The following TAFA1 variants were observed in gnomAD, a reference collection of about 807,000 sequenced individuals.
TAFA1 encodes TAFA chemokine like family member 1.
TAFA1 carries 4 observed loss-of-function variants against 18.5 expected under a neutral mutation model. The ratio of observed to expected loss-of-function variants is 0.22; its 90% CI spans 0.11 to 0.49. The LOEUF is 0.49. Ranked by LOEUF, TAFA1 falls within the 20% of genes least tolerant of loss-of-function variation. The probability of loss-of-function intolerance (pLI) is 0.98; values close to 1 mark genes in which losing one functional copy is unlikely to be tolerated. For missense variants in TAFA1, 147 were observed against 169.0 expected, an observed-to-expected ratio of 0.87 and a Z score of 0.72; for synonymous variants, 56 against 55.2, an observed-to-expected ratio of 1.01 and a Z score of -0.06.
chr3:68,067,011 A>C (rs2064687101), intron 2 of TAFA1, among the ~76,000 whole-genome samples: 1 of 152,166 alleles, frequency 6.6e-6, no homozygotes, highest in Non-Finnish European at 1.5e-5. Flanking sequence ...CAAGACGGCC[A>C]GCTCCATGTA....
At chr3:68,520,835 G>A (rs963133834) in intron 3 of TAFA1, among the ~76,000 whole-genome samples, 9 of 152,282 alleles carry the variant, frequency 5.9e-5, no homozygotes, top group Non-Finnish European at 1.3e-4. Context: ...TTCAGTAATT[G>A]TTAATATTCG....
chr3:68,198,809 C>T (rs1325987032), intron 2 of TAFA1, among the ~76,000 whole-genome samples: 1 of 151,386 alleles, frequency 6.6e-6, no homozygotes, highest in Non-Finnish European at 1.5e-5. Context: ...TTCACCAATT[C>T]TGTGGTTTGT....
chr3:68,398,797 G>A (rs929602480), intron 2 of TAFA1, among the ~76,000 whole-genome samples: 4 of 152,112 alleles, frequency 2.6e-5, no homozygotes, highest in Non-Finnish European at 4.4e-5. Flanking sequence ...AATGTCTGCT[G>A]TCAAATTGAC....
intron 3 of TAFA1, among the ~76,000 whole-genome samples, chr3:68,468,400 T>C (rs188640930): frequency 1.3e-5 from 2 of 152,220 alleles, no homozygotes; most frequent in Non-Finnish European, 2.9e-5. Flanking sequence ...TACAAAACTT[T>C]ATTTGACAGT....
intron 2 of TAFA1, among the ~76,000 whole-genome samples, chr3:68,218,953 C>T (rs1410508815): frequency 6.6e-6 from 1 of 151,742 alleles, no homozygotes; most frequent in Middle Eastern, 3.2e-3. Flanking sequence ...TTTTGAGTGT[C>T]CTTGATATTG....
At chr3:68,465,954 T>G (rs1054491881) in intron 3 of TAFA1, among the ~76,000 whole-genome samples, 1 of 152,182 alleles carries the variant, frequency 6.6e-6, no homozygotes, top group Non-Finnish European at 1.5e-5. Flanking sequence ...CACACACAAC[T>G]GTAACAAAAG....
In TAFA1 at chr3:68,489,615, CT is replaced by C. The variant is rs1241444848; in HGVS notation, c.260-49139del. 7.2e-5 allele frequency among the ~76,000 whole-genome samples: 11 copies of C among 152,226 alleles called. No individual in the cohort carries two copies. The East Asian group carries it at 1.2e-3, about 16-fold the overall frequency. ...TATTTTCAGAAAATAATAAAACATT[CT>C]TCTTTTTCACTGTGTTGACATTTGC... is the stretch of plus-strand genomic sequence containing the variant. On this transcript the variant is annotated intron_variant, in intron 3 of 4. Transcript: ENST00000478136.
chr3:68,026,541 C>A (rs1005040101), intron 2 of TAFA1, among the ~76,000 whole-genome samples: 4 of 152,026 alleles, frequency 2.6e-5, no homozygotes, highest in African/African-American at 9.7e-5. Flanking sequence ...CACTGCAGAC[C>A]CACACCCACA....
chr3:68,285,447 CAT>C (rs151071596), intron 2 of TAFA1, among the ~76,000 whole-genome samples: 3 of 151,506 alleles, frequency 2.0e-5, no homozygotes, highest in Non-Finnish European at 2.9e-5. Context: ...TTTCAAAAAA[CAT>C]ATATATATAG....
chr3:68,385,151 T>C (rs1412375490), intron 2 of TAFA1, among the ~76,000 whole-genome samples: 1 of 152,068 alleles, frequency 6.6e-6, no homozygotes. Context: ...GAGGTAATAA[T>C]AGAGCCTACC....
chr3:68,393,378 GA>G (rs201653683), intron 2 of TAFA1, among the ~76,000 whole-genome samples: 7,507 of 130,134 alleles, frequency 0.058, 217 homozygotes, highest in African/African-American at 0.087. Context: ...CCTACCAATG[GA>G]AAAAAAAAAA....
chr3:68,417,194 C>T, intron 2 of TAFA1, 86 bp from the exon 3 acceptor site: 1 of 1,120,058 alleles, frequency 8.9e-7, no homozygotes, highest in Non-Finnish European at 1.3e-6. Context: ...AATTACTTTC[C>T]TCAACCCCGC....
At chr3:68,257,071 C>T (rs550861383) in intron 2 of TAFA1, among the ~76,000 whole-genome samples, 44 of 152,226 alleles carry the variant, frequency 2.9e-4, no homozygotes, top group African/African-American at 9.9e-4. Context: ...TAACGCTCTG[C>T]TTATGCCAGC....
At chr3:68,439,412 C>CATACAT (rs1264523262) in intron 3 of TAFA1, among the ~76,000 whole-genome samples, 33 of 73,422 alleles carry the variant, frequency 4.5e-4, no homozygotes, top group African/African-American at 1.9e-3. Flanking sequence ...TATATACATA[C>CATACAT]ATATATATAT....
At chr3:68,182,373 G>T (rs1443301627) in intron 2 of TAFA1, among the ~76,000 whole-genome samples, 1 of 152,128 alleles carries the variant, frequency 6.6e-6, no homozygotes, top group Non-Finnish European at 1.5e-5. Context: ...TCAGTATGGA[G>T]ATACAAATGA....
chr3:68,529,428 C>G (rs1020492519), intron 3 of TAFA1, among the ~76,000 whole-genome samples: 1 of 105,970 alleles, frequency 9.4e-6, no homozygotes, highest in African/African-American at 3.7e-5. Flanking sequence ...TCTAGATTCA[C>G]CATTCTCTAA....
chr3:68,157,300 A>G (rs939149363), intron 2 of TAFA1, among the ~76,000 whole-genome samples: 16 of 152,330 alleles, frequency 1.1e-4, no homozygotes, highest in Non-Finnish European at 1.3e-4. Flanking sequence ...TAGGTTCATG[A>G]TCTTAAATCA....
intron 2 of TAFA1, among the ~76,000 whole-genome samples, chr3:68,278,482 A>T (rs1176806708): frequency 2.0e-5 from 3 of 152,076 alleles, no homozygotes; most frequent in Non-Finnish European, 2.9e-5. Flanking sequence ...GTTGTTGTTC[A>T]TCTTTTACTT....
intron 2 of TAFA1, among the ~76,000 whole-genome samples, chr3:68,351,931 A>T (rs965287764): frequency 3.9e-5 from 6 of 151,956 alleles, no homozygotes; most frequent in African/African-American, 1.4e-4. Flanking sequence ...TCAGCTCAAC[A>T]GTCCTATTTG....
Sources: gnomAD v4.1 joint callset for allele counts (sites outside exome capture counted in the v4.1 genomes callset) on GRCh38, gnomAD v4.1.1 for gene constraint, MANE v1.5 for transcripts, NCBI Gene and HGNC (gene_info 2026-07-23, HGNC 2026-07-21) for gene names.